The following DGKB variants were observed in gnomAD, a reference collection of about 807,000 sequenced individuals.
The protein encoded by DGKB is 90 kDa diacylglycerol kinase.
A neutral mutation model predicts 114.3 loss-of-function variants in DGKB; 67 were observed. The ratio of observed to expected loss-of-function variants is 0.59; its 90% CI spans 0.48 to 0.72. The LOEUF (loss-of-function observed/expected upper bound fraction) is 0.72. Ranked by LOEUF, DGKB falls within the 30% of genes least tolerant of loss-of-function variation. DGKB has a pLI of 0.00. For synonymous variants in DGKB, 398 were observed against 323.1 expected, an observed-to-expected ratio of 1.23 and a Z score of -2.49; for missense variants, 907 against 975.2, an observed-to-expected ratio of 0.93 and a Z score of 0.93.
At chr7:14,674,828 CT>C (rs1164374993) in intron 12 of DGKB, among the ~76,000 whole-genome samples, 1 of 152,128 alleles carries the variant, frequency 6.6e-6, no homozygotes, top group Non-Finnish European at 1.5e-5. Flanking sequence ...GAAAAGGATT[CT>C]TCCAGAAAGC....
intron 23 of DGKB, among the ~76,000 whole-genome samples, chr7:14,304,635 T>G (rs1804168880): frequency 6.6e-6 from 1 of 152,188 alleles, no homozygotes; most frequent in South Asian, 2.1e-4. Flanking sequence ...CATTGCCGAT[T>G]TAGTGTCCAG....
intron 17 of DGKB, among the ~76,000 whole-genome samples, chr7:14,584,667 T>C (rs761207243): frequency 6.6e-6 from 1 of 151,248 alleles, no homozygotes. Flanking sequence ...TTATTTTTAT[T>C]TTTTTTTTGA....
intron 1 of DGKB, among the ~76,000 whole-genome samples, chr7:14,862,198 A>T (rs1057278389): frequency 6.6e-6 from 1 of 152,046 alleles, no homozygotes; most frequent in Non-Finnish European, 1.5e-5. Flanking sequence ...GCATACAAGG[A>T]GATGATTTGA....
intron 5 of DGKB, among the ~76,000 whole-genome samples, chr7:14,729,272 G>A (rs561004788): frequency 0.01 from 1,509 of 146,002 alleles, 16 homozygotes; most frequent in Non-Finnish European, 0.016. Context: ...ACAGGCGCCT[G>A]CCACCACATC....
intron 23 of DGKB, among the ~76,000 whole-genome samples, chr7:14,240,564 A>T (rs1204122944): frequency 6.6e-6 from 1 of 152,090 alleles, no homozygotes; most frequent in African/African-American, 2.4e-5. Context: ...ACTCCTAAGG[A>T]AAAATGAACT....
chr7:14,815,868 A>C (rs1367129363), intron 2 of DGKB, among the ~76,000 whole-genome samples: 2 of 152,216 alleles, frequency 1.3e-5, no homozygotes, highest in African/African-American at 4.8e-5. Flanking sequence ...TCCCTGGACC[A>C]GATCTGTTGG....
chr7:14,580,583 C>CA (rs1799777569), intron 19 of DGKB, among the ~76,000 whole-genome samples: 1 of 151,956 alleles, frequency 6.6e-6, no homozygotes, highest in South Asian at 2.1e-4. Flanking sequence ...ATTTTCTAAA[C>CA]AAAAAAATCA....
In DGKB at chr7:14,928,417, A is replaced by C. The variant is rs555900920; in HGVS notation, c.-188+46279T>G. ...TATATCTTGTTTCCTCTGTTCACTC[A>C]AAAATAATCTCTGATCACACATATT... On this transcript the variant is annotated intron_variant, in intron 1 of 4. Transcript: ENST00000437998. 3.3e-5 allele frequency among the ~76,000 whole-genome samples: 5 copies of C among 152,114 alleles called. No individual in the cohort carries two copies. The East Asian group carries it at 9.7e-4, about 29-fold the overall frequency.
chr7:14,671,686 T>A (rs2128946412), intron 13 of DGKB, among the ~76,000 whole-genome samples: 1 of 152,202 alleles, frequency 6.6e-6, no homozygotes. Flanking sequence ...CACAGACAGA[T>A]GGGTAGTAGG....
chr7:14,879,501 T>C (rs2128210685), intron 1 of DGKB, among the ~76,000 whole-genome samples: 1 of 152,332 alleles, frequency 6.6e-6, no homozygotes, highest in Admixed American at 6.5e-5. Context: ...ACTTGCTTTC[T>C]ATGTAAATAT....
chr7:14,605,428 G>C (rs1157839766), intron 17 of DGKB, among the ~76,000 whole-genome samples: 1 of 150,348 alleles, frequency 6.7e-6, no homozygotes, highest in Non-Finnish European at 1.5e-5. Context: ...GTTATAGATA[G>C]AGGGGAATAT....
chr7:14,461,733 G>C (rs1833111296), intron 21 of DGKB, among the ~76,000 whole-genome samples: 1 of 152,106 alleles, frequency 6.6e-6, no homozygotes, highest in African/African-American at 2.4e-5. Flanking sequence ...GAAAAAAAGG[G>C]ACTCCTCCCT....
chr7:14,689,213 T>TTTTTTTTTA (rs1563917800), intron 9 of DGKB, among the ~76,000 whole-genome samples: 4 of 131,438 alleles, frequency 3.0e-5, no homozygotes, highest in East Asian at 4.5e-4. Flanking sequence ...TTTTTTTTTT[T>TTTTTTTTTA]TTTTTTTTTT....
intron 23 of DGKB, among the ~76,000 whole-genome samples, chr7:14,271,622 A>G (rs1798279525): frequency 6.6e-6 from 1 of 152,252 alleles, no homozygotes; most frequent in Non-Finnish European, 1.5e-5. Flanking sequence ...AGCATCATTT[A>G]AAAGGAAAGC....
Position 14,747,775 on chromosome 7 carries a change from G to GCGCGCGCGCGCGCACACACACACACA in DGKB, c.168+6152_168+6153insTGTGTGTGTGTGTGCGCGCGCGCGCG. 4.8e-3 allele frequency among the ~76,000 whole-genome samples: 723 copies of GCGCGCGCGCGCGCACACACACACACA among 149,258 alleles called. 7 individuals are homozygous for GCGCGCGCGCGCGCACACACACACACA. Among genetic ancestry groups the GCGCGCGCGCGCGCACACACACACACA allele is most frequent in the East Asian group, 0.03 (152 of 5,008 alleles). On this transcript the variant is annotated intron_variant, in intron 4 of 25. Coordinates refer to ENST00000402815, the MANE Select transcript of DGKB (RefSeq NM_001350709.2). ...GCTGTGGGCTCAAACACATCCACGCGCACGCACACACACACACACACACAC... is the reference window on the plus strand; with the variant it reads ...GCTGTGGGCTCAAACACATCCACGCGCGCGCGCGCGCGCACACACACACACACACGCACACACACACACACACACAC...
intron 2 of DGKB, among the ~76,000 whole-genome samples, chr7:14,784,596 C>T (rs1038591940): frequency 3.3e-5 from 5 of 152,092 alleles, no homozygotes; most frequent in Admixed American, 3.3e-4. Flanking sequence ...AGATTAGTCT[C>T]GACCTCCTGG....
intron 23 of DGKB, among the ~76,000 whole-genome samples, chr7:14,255,866 C>T (rs942039093): frequency 6.6e-6 from 1 of 152,088 alleles, no homozygotes; most frequent in Non-Finnish European, 1.5e-5. Context: ...AGCATGTGCT[C>T]CAACCCCAAC....
At position 14,339,816 on chromosome 7, in the gene DGKB, A is replaced by G. The variant is rs1274781691; in HGVS notation, c.1927-1106T>C. Among the ~76,000 whole-genome samples, 4 of 151,936 alleles carry G rather than the reference A, an allele frequency of 2.6e-5. No homozygotes were observed. The East Asian group carries it at 7.7e-4, about 29-fold the overall frequency. On this transcript the variant is annotated intron_variant, in intron 22 of 25. Transcript: ENST00000402815. ...GCATTTCCTAAATTGAAATATATTT[A>G]CAGTGGCGTTGTTTCATTTGCCATG...
intron 1 of DGKB, among the ~76,000 whole-genome samples, chr7:14,890,499 G>T (rs1469021231): frequency 6.6e-6 from 1 of 151,260 alleles, no homozygotes; most frequent in East Asian, 1.9e-4. Context: ...AAGAAATGAA[G>T]TCCTAGCACA....
Sources: gnomAD v4.1 joint callset for allele counts (sites outside exome capture counted in the v4.1 genomes callset) on GRCh38, gnomAD v4.1.1 for gene constraint, MANE v1.5 for transcripts, NCBI Gene and HGNC (gene_info 2026-07-23, HGNC 2026-07-21) for gene names.